Variants in CUX2 observed in about 807,000 individuals in gnomAD.
CUX2 encodes homeobox protein cut-like 2.
CUX2 carries 40 observed loss-of-function variants against 144.8 expected under a neutral mutation model. The ratio of observed to expected loss-of-function variants is 0.28; its 90% CI spans 0.21 to 0.36. The LOEUF (loss-of-function observed/expected upper bound fraction) is 0.36. Ranked by LOEUF, CUX2 falls within the 10% of genes least tolerant of loss-of-function variation. The pLI is 1.00. For synonymous variants in CUX2, 827 were observed against 875.6 expected (o/e 0.94, Z 0.98); for missense variants, 1,615 against 1,994.0 (o/e 0.81, Z 3.62).
chr12:111,078,352 A>G (rs1871650184), intron 1 of CUX2, among the ~76,000 whole-genome samples: 1 of 152,158 alleles, frequency 6.6e-6, no homozygotes, highest in Non-Finnish European at 1.5e-5. Context: ...TTACCAGAGA[A>G]AGGAACAAGA....
intron 1 of CUX2, among the ~76,000 whole-genome samples, chr12:111,078,576 G>A (rs1025271944): frequency 6.6e-5 from 10 of 152,110 alleles, no homozygotes; most frequent in African/African-American, 2.4e-4. Flanking sequence ...AGGCTGAGGC[G>A]GGAGGATCAC....
Position 111,287,856 on chromosome 12 carries a change from C to T in CUX2, c.302-3562C>T, listed in dbSNP as rs1386465407. Among the ~76,000 whole-genome samples, 2 of 152,244 alleles carry T rather than the reference C, an allele frequency of 1.3e-5. No individual in the cohort carries two copies. Among genetic ancestry groups the T allele is most frequent in the Non-Finnish European group, 1.5e-5 (1 of 68,052 alleles). ...AAGGCCCCATGTACAGGCATTGCCC[C>T]GTTTCTTCCATCAGCAGATCTTTGT... is the stretch of plus-strand genomic sequence containing the variant. On this transcript the variant is annotated intron_variant, in intron 4 of 21. Coordinates refer to ENST00000261726, the MANE Select transcript of CUX2 (RefSeq NM_015267.4). This position sits in a 1 kb window ranked among gnomAD's most constrained non-coding sequence, Gnocchi z 4.2.
At chr12:111,140,236 G>A (rs1301700021) in intron 1 of CUX2, among the ~76,000 whole-genome samples, 2 of 152,144 alleles carry the variant, frequency 1.3e-5, no homozygotes, top group Admixed American at 1.3e-4. Flanking sequence ...ACTTTCTGAG[G>A]ACCCCTGCAA....
At chr12:111,206,465 A>G (rs1344315762) in intron 1 of CUX2, among the ~76,000 whole-genome samples, 1 of 152,220 alleles carries the variant, frequency 6.6e-6, no homozygotes, top group Non-Finnish European at 1.5e-5. Context: ...CTTTTTCCCA[A>G]TCACAGTAAG....
At chr12:111,161,779 G>A (rs1462504969) in intron 1 of CUX2, among the ~76,000 whole-genome samples, 2 of 152,174 alleles carry the variant, frequency 1.3e-5, no homozygotes, top group Admixed American at 6.5e-5. Context: ...GTGTCACCCA[G>A]GCTGGAGTGC....
At chr12:111,155,420 C>A (rs1877310526) in intron 1 of CUX2, among the ~76,000 whole-genome samples, 1 of 152,182 alleles carries the variant, frequency 6.6e-6, no homozygotes, top group Non-Finnish European at 1.5e-5. Context: ...CTTTGAAAAG[C>A]TTTACTTGGA....
At chr12:111,317,552 C>T (rs908682329) in intron 16 of CUX2, among the ~76,000 whole-genome samples, 5 of 152,140 alleles carry the variant, frequency 3.3e-5, no homozygotes, top group Admixed American at 1.3e-4. Context: ...CTGGCATTTT[C>T]CTCCCCATCC....
chr12:111,133,287 T>C (rs1218543438), intron 1 of CUX2, among the ~76,000 whole-genome samples: 1 of 152,152 alleles, frequency 6.6e-6, no homozygotes, highest in Non-Finnish European at 1.5e-5. Flanking sequence ...ACTCTACTGG[T>C]ACCAATTTAC....
intron 1 of CUX2, among the ~76,000 whole-genome samples, chr12:111,174,766 C>A (rs1878746418): frequency 6.6e-6 from 1 of 152,208 alleles, no homozygotes; most frequent in South Asian, 2.1e-4. Context: ...CACCCGTGAA[C>A]CCTAGACAGC....
chr12:111,174,818 A>G (rs1054718746), intron 1 of CUX2, among the ~76,000 whole-genome samples: 1 of 152,252 alleles, frequency 6.6e-6, no homozygotes, highest in African/African-American at 2.4e-5. Flanking sequence ...CTTCCCCAGG[A>G]TGATGATCAG....
At chr12:111,314,666 A>C (rs1388847200) in intron 16 of CUX2, among the ~76,000 whole-genome samples, 1 of 74,156 alleles carries the variant, frequency 1.3e-5, no homozygotes, top group Non-Finnish European at 2.2e-5. Context: ...AAAAAAAAAA[A>C]AACCCCATCT....
chr12:111,300,605 TAA>T (rs1238182956), intron 9 of CUX2, among the ~76,000 whole-genome samples: 1 of 152,176 alleles, frequency 6.6e-6, no homozygotes, highest in Non-Finnish European at 1.5e-5. Context: ...AAACTTTCTA[TAA>T]AGAGTCAGAG....
At chr12:111,103,935 CT>C (rs1873428688) in intron 1 of CUX2, among the ~76,000 whole-genome samples, 1 of 152,224 alleles carries the variant, frequency 6.6e-6, no homozygotes, top group Admixed American at 6.5e-5. Context: ...GAAAGCAGCT[CT>C]TTCCTAGGCT....
chr12:111,320,132 AGCAGGCGCT>A lies in CUX2; in HGVS notation c.2126_2134del (p.Gln709_Leu711del). On this transcript the variant is annotated inframe_deletion, in exon 17 of 22. Transcript: ENST00000261726. The surrounding 1 kb of genome is among the most constrained non-coding windows in gnomAD (Gnocchi z 8.1). The stretch of plus-strand genomic sequence containing the variant: ...GCACGCCGTGAGATGCAGGCGCAAC[AGCAGGCGCT>A]GCTGGAGATGGAGGTGGCGCCCAGG... 1 of 1,554,704 alleles carries A rather than the reference AGCAGGCGCT, an allele frequency of 6.4e-7. No individual in the cohort carries two copies. Among genetic ancestry groups the A allele is most frequent in the Non-Finnish European group, 8.7e-7 (1 of 1,153,650 alleles).
At chr12:111,158,814 G>T (rs2136147891) in intron 1 of CUX2, among the ~76,000 whole-genome samples, 1 of 152,302 alleles carries the variant, frequency 6.6e-6, no homozygotes, top group Non-Finnish European at 1.5e-5. Flanking sequence ...GGTCAGCCCA[G>T]CTTCCCTTCC....
At chr12:111,296,093 T>C (rs1455333593) in intron 7 of CUX2, among the ~76,000 whole-genome samples, 1 of 152,094 alleles carries the variant, frequency 6.6e-6, no homozygotes, top group Non-Finnish European at 1.5e-5. Flanking sequence ...CACCTCGGGA[T>C]GGATGGCCCT....
intron 1 of CUX2, among the ~76,000 whole-genome samples, chr12:111,127,387 A>G (rs1875159209): frequency 6.6e-6 from 1 of 152,220 alleles, no homozygotes; most frequent in South Asian, 2.1e-4. Context: ...AGGGCATGGT[A>G]AAACTAAGGG....
intron 1 of CUX2, among the ~76,000 whole-genome samples, chr12:111,094,352 C>T (rs181317437): frequency 1.3e-5 from 2 of 152,282 alleles, no homozygotes; most frequent in African/African-American, 2.4e-5. Context: ...GGACCGGGAG[C>T]GGGCAGAGGG....
Position 111,280,258 on chromosome 12 carries a change from C to T in CUX2, c.302-11160C>T, listed in dbSNP as rs75162258. Among the ~76,000 whole-genome samples, 2,926 of 152,280 alleles carry T rather than the reference C, an allele frequency of 0.019. 170 individuals are homozygous for T. In the East Asian group the frequency reaches 0.21, roughly 11 times the overall value. ...GAGCCAAGATCGCGCTACCCTACTC[C>T]AGCCTGGGTGACAGAGCAAGACTCT... On this transcript the variant is annotated intron_variant, in intron 4 of 21. Transcript: ENST00000261726.
Sources: gnomAD v4.1 joint callset for allele counts (sites outside exome capture counted in the v4.1 genomes callset) on GRCh38, gnomAD v4.1.1 for gene constraint, Gnocchi (gnomAD v3.1) non-coding constraint, MANE v1.5 for transcripts, NCBI Gene and HGNC (gene_info 2026-07-23, HGNC 2026-07-21) for gene names.